Variants in UFM1 observed in about 807,000 individuals in gnomAD.
UFM1 encodes the protein ubiquitin fold modifier 1.
UFM1 carries 9 observed loss-of-function variants against 15.4 expected under a neutral mutation model. The ratio of observed to expected loss-of-function variants is 0.59; its 90% CI spans 0.35 to 1.02. UFM1 has a LOEUF of 1.02. Ranked by LOEUF, UFM1 falls within the 50% of genes least tolerant of loss-of-function variation. UFM1 has a pLI of 0.02. For synonymous variants in UFM1, 27 were observed against 36.3 expected (o/e 0.74, Z 0.92); for missense variants, 98 against 104.7 (o/e 0.94, Z 0.28).
At chr13:38,355,924 A>G (rs1265334573) in intron 3 of UFM1, among the ~76,000 whole-genome samples, 1 of 151,876 alleles carries the variant, frequency 6.6e-6, no homozygotes, top group Non-Finnish European at 1.5e-5. Flanking sequence ...AAGCAATAAT[A>G]AAATTTCCCA....
rs1412991963 is a variant in UFM1 at position 38,360,879 on chromosome 13, C to T, written c.*101C>T. 2 of 931,296 alleles carry T rather than the reference C, an allele frequency of 2.1e-6. No homozygotes were observed. The highest frequency in any genetic ancestry group is 1.5e-5 in the South Asian group (1 of 65,642). 57.7% of individuals were successfully genotyped at this position (931,296 alleles called of 1,614,324 possible). On this transcript the variant is annotated 3_prime_UTR_variant, in exon 6 of 6. Coordinates refer to ENST00000239878, the MANE Select transcript of UFM1 (RefSeq NM_016617.4). ...GGCATTTAACATACTATGAAAACACCAGGAGTCAATGATTAATGAAAGGTG... is the reference window on the plus strand; with the variant it reads ...GGCATTTAACATACTATGAAAACACTAGGAGTCAATGATTAATGAAAGGTG...
rs1455726181 is a variant in UFM1, at chr13:38,362,348, C to T, written c.*1570C>T. The stretch of plus-strand genomic sequence containing the variant: ...CCATTGGTAGTTGTTTATGAAATTA[C>T]CAGATATTCATAAATGTGACAAATG... On this transcript the variant is annotated 3_prime_UTR_variant, in exon 6 of 6. Transcript: ENST00000239878. 1 of 151,958 alleles carries T rather than the reference C, an allele frequency of 6.6e-6. No individual in the cohort carries two copies. Among genetic ancestry groups the T allele is most frequent in the Non-Finnish European group, 1.5e-5 (1 of 68,010 alleles). The allele number at this position is 151,958 out of a possible 1,614,324, so 9.4% of individuals were successfully genotyped here.
rs544990643 is a variant in UFM1 at position 38,362,655 on chromosome 13, T to C, written c.*1877T>C. On this transcript the variant is annotated 3_prime_UTR_variant, in exon 6 of 6. Transcript: ENST00000239878. ...CAGAGGCCCCGTTTCTTACAATAAA[T>C]GTTGAGTCTTAGTTAAGCAGGAATT... is the stretch of plus-strand genomic sequence containing the variant. The C allele has an allele frequency of 6.6e-6, 1 of 152,002 alleles. No individual in the cohort carries two copies. The highest frequency in any genetic ancestry group is 1.5e-5 in the Non-Finnish European group (1 of 67,974). The allele number at this position is 152,002 out of a possible 1,614,324, so 9.4% of individuals were successfully genotyped here.
intron 3 of UFM1, among the ~76,000 whole-genome samples, chr13:38,356,945 C>A (rs1171385444): frequency 6.6e-6 from 1 of 151,886 alleles, no homozygotes; most frequent in South Asian, 2.1e-4. Flanking sequence ...TTGGCAACTG[C>A]TGGTCTCTTT....
At chr13:38,353,323 G>T (rs1169840727) in intron 2 of UFM1, among the ~76,000 whole-genome samples, 1 of 152,012 alleles carries the variant, frequency 6.6e-6, no homozygotes, top group African/African-American at 2.4e-5. Flanking sequence ...GTTTCAGTGA[G>T]AAATGTTAGC....
intron 3 of UFM1, among the ~76,000 whole-genome samples, chr13:38,357,680 C>A (rs1167917826): frequency 1.3e-5 from 2 of 151,842 alleles, no homozygotes; most frequent in African/African-American, 4.8e-5. Context: ...ACTGATAACA[C>A]AGACAGGCGA....
intron 5 of UFM1, chr13:38,360,136 A>G: frequency 3.2e-6 from 1 of 310,518 alleles, no homozygotes; most frequent in Non-Finnish European, 6.3e-6. Context: ...ATTTTATTAA[A>G]AAGGTTTATT....
chr13:38,358,798 C>G (rs985987127), intron 4 of UFM1, among the ~76,000 whole-genome samples: 1 of 151,964 alleles, frequency 6.6e-6, no homozygotes, highest in Non-Finnish European at 1.5e-5. Context: ...CTAAAATATT[C>G]TGCATTCTGT....
chr13:38,353,055 A>G (rs1316350060), intron 2 of UFM1, among the ~76,000 whole-genome samples: 1 of 152,160 alleles, frequency 6.6e-6, no homozygotes, highest in African/African-American at 2.4e-5. Flanking sequence ...CCCCAAAAAC[A>G]TTAGTAAAGA....
rs565629009 is a variant in UFM1 at position 38,353,286 on chromosome 13, A to G, written c.60-953A>G. On this transcript the variant is annotated intron_variant, in intron 2 of 5. Coordinates refer to ENST00000239878, the MANE Select transcript of UFM1 (RefSeq NM_016617.4). ...TGGTATTGAGACACTTAAGAACAATACAATAATATGGTGGACAAATAGAGA... is the reference window on the plus strand; with the variant it reads ...TGGTATTGAGACACTTAAGAACAATGCAATAATATGGTGGACAAATAGAGA... 3.6e-4 allele frequency among the ~76,000 whole-genome samples: 55 copies of G among 152,284 alleles called. No individual in the cohort carries two copies. The East Asian group carries it at 7.9e-3, about 22-fold the overall frequency.
chr13:38,358,754 G>A (rs1213798043), intron 4 of UFM1, among the ~76,000 whole-genome samples: 3 of 151,978 alleles, frequency 2.0e-5, no homozygotes, highest in Non-Finnish European at 2.9e-5. Flanking sequence ...CTTAATGTGC[G>A]TGATGTAACT....
chr13:38,349,944 C>T, intron 1 of UFM1, 23 bp downstream of exon 1: 1 of 1,613,982 alleles, frequency 6.2e-7, no homozygotes, highest in Non-Finnish European at 8.5e-7. Context: ...TTACCGACTG[C>T]CATAATTCCT....
rs367662121 is a variant in UFM1, at chr13:38,360,799, C to G, written c.*21C>G. Reference sequence around the variant, plus strand: ...GTTAATATCTGCTACTTGGAACATACGATTGCCTTTCAGAATAAATATTGG... The same window carrying G: ...GTTAATATCTGCTACTTGGAACATAGGATTGCCTTTCAGAATAAATATTGG... On this transcript the variant is annotated 3_prime_UTR_variant, in exon 6 of 6. Transcript: ENST00000239878. 4 of 1,576,342 alleles carry G rather than the reference C, an allele frequency of 2.5e-6. No individual in the cohort carries two copies. Among genetic ancestry groups the G allele is most frequent in the Admixed American group, 3.4e-5 (2 of 58,784 alleles).
intron 3 of UFM1, among the ~76,000 whole-genome samples, chr13:38,357,166 G>A (rs1879139792): frequency 1.3e-5 from 2 of 151,828 alleles, no homozygotes; most frequent in African/African-American, 4.8e-5. Flanking sequence ...CAATCCTTGA[G>A]CTTTAAATCA....
chr13:38,358,082 C>A lies in UFM1; in HGVS notation c.118-11C>A. ...GTATATATATATATATTTTTTTTTC[C>A]TTCTATTTAGTTTAAAGTTCCTGCT... On this transcript the variant is annotated splice_polypyrimidine_tract_variant and intron_variant, in intron 3 of 5. Coordinates refer to ENST00000239878, the MANE Select transcript of UFM1 (RefSeq NM_016617.4). 21 of 1,245,498 alleles carry A rather than the reference C, an allele frequency of 1.7e-5. No individual in the cohort carries two copies. The highest frequency in any genetic ancestry group is 4.0e-5 in the South Asian group (2 of 50,252). 77.2% of individuals were successfully genotyped at this position (1,245,498 alleles called of 1,614,324 possible).
At chr13:38,357,508 A>C (rs891711101) in intron 3 of UFM1, among the ~76,000 whole-genome samples, 1 of 17,872 alleles carries the variant, frequency 5.6e-5, no homozygotes, top group Admixed American at 9.8e-4. Context: ...TGTTTATAAT[A>C]CAGGGTTTTT....
chr13:38,359,099 A>G (rs1879257879), intron 4 of UFM1, among the ~76,000 whole-genome samples: 1 of 152,080 alleles, frequency 6.6e-6, no homozygotes, highest in South Asian at 2.1e-4. Context: ...TGTCTAACCC[A>G]GCAATGTGTA....
intron 5 of UFM1, 171 bp downstream of exon 5, chr13:38,359,504 G>A: frequency 3.4e-6 from 2 of 580,230 alleles, no homozygotes; most frequent in Admixed American, 6.6e-5. Context: ...TTGTTTCATT[G>A]TGTATATTGA....
rs763170987 is a variant in UFM1 at position 38,360,821 on chromosome 13, T to G, written c.*43T>G. ...ATACGATTGCCTTTCAGAATAAATATTGGTATTTTTTGTTGTTGTAAAATT... is the reference window on the plus strand; with the variant it reads ...ATACGATTGCCTTTCAGAATAAATAGTGGTATTTTTTGTTGTTGTAAAATT... On this transcript the variant is annotated 3_prime_UTR_variant, in exon 6 of 6. Transcript: ENST00000239878. 1.3e-6 allele frequency: 2 copies of G among 1,499,880 alleles called. No homozygotes were observed. The highest frequency in any genetic ancestry group is 1.8e-6 in the Non-Finnish European group (2 of 1,084,794). The allele number at this position is 1,499,880 out of a possible 1,614,324, so 92.9% of individuals were successfully genotyped here.
Sources: allele counts gnomAD v4.1 joint callset (sites outside exome capture counted in the v4.1 genomes callset), GRCh38; gene constraint gnomAD v4.1.1; transcripts MANE v1.5; gene names NCBI Gene and HGNC (gene_info 2026-07-23, HGNC 2026-07-21).